The following XKR6 variants were observed in gnomAD, a reference collection of about 807,000 sequenced individuals.
XKR6 encodes XK-related protein 6.
A neutral mutation model predicts 56.7 loss-of-function variants in XKR6; 22 were observed. The ratio of observed to expected loss-of-function variants is 0.39; its 90% CI spans 0.28 to 0.55. The LOEUF (loss-of-function observed/expected upper bound fraction) is 0.55. Ranked by LOEUF, XKR6 falls within the 20% of genes least tolerant of loss-of-function variation. XKR6 has a pLI of 0.66. For synonymous variants in XKR6, 524 were observed against 387.8 expected, an observed-to-expected ratio of 1.35 and a Z score of -4.13; for missense variants, 852 against 889.0, an observed-to-expected ratio of 0.96 and a Z score of 0.53.
chr8:10,999,085 T>G (rs1798181697), intron 1 of XKR6, among the ~76,000 whole-genome samples: 1 of 152,246 alleles, frequency 6.6e-6, no homozygotes, highest in Non-Finnish European at 1.5e-5. Context: ...ACGTTTGTTT[T>G]CTTCTCCCTC....
intron 1 of XKR6, among the ~76,000 whole-genome samples, chr8:11,007,910 G>C (rs1042656814): frequency 2.0e-5 from 3 of 152,106 alleles, no homozygotes; most frequent in Admixed American, 2.0e-4. Flanking sequence ...CTTGGAAGCA[G>C]ATGGCAGGGG....
chr8:10,898,332 G>T lies in XKR6; in HGVS notation c.1546C>A (p.Leu516Met). ...KILASSCCAELLWGIPLPPDV... is the reference protein window; with the variant it reads ...KILASSCCAEMLWGIPLPPDV... ...GGGGGCAAAGGGATGCCCCAGAGCA[G>T]CTCGGCACAACAGGAGCTGGCAAGG... Residue 516 changes from leucine to methionine, a missense_variant, in exon 3 of 3, where the codon CTG becomes ATG. By Grantham distance (15) the Leu-to-Met change is conservative. This residue lies in a region of XKR6 where 197 missense variants were observed against 190.9 expected (regional missense o/e 1.03). Transcript: ENST00000416569. The surrounding 1 kb of genome is among the most constrained non-coding windows in gnomAD (Gnocchi z 6.6). 6.2e-7 allele frequency: 1 copy of T among 1,613,994 alleles called. No individual in the cohort carries two copies. The highest frequency in any genetic ancestry group is 8.5e-7 in the Non-Finnish European group (1 of 1,179,864).
At chr8:11,167,275 C>T (rs754401860) in intron 1 of XKR6, among the ~76,000 whole-genome samples, 6 of 152,210 alleles carry the variant, frequency 3.9e-5, no homozygotes, top group African/African-American at 1.2e-4. Flanking sequence ...GAAAGCTTTA[C>T]GGCATTCTTA....
intron 1 of XKR6, chr8:11,136,777 G>GGAATA (rs1251699814): frequency 6.6e-6 from 1 of 152,096 alleles, no homozygotes; most frequent in Non-Finnish European, 1.5e-5. Flanking sequence ...AGAACCAGAA[G>GGAATA]GAATACATTT....
chr8:11,055,082 C>G (rs1305722700), intron 1 of XKR6, among the ~76,000 whole-genome samples: 1 of 152,168 alleles, frequency 6.6e-6, no homozygotes, highest in Non-Finnish European at 1.5e-5. Flanking sequence ...AAATTATTCC[C>G]GACACTTATT....
At chr8:10,954,587 T>G (rs1801817956) in intron 1 of XKR6, among the ~76,000 whole-genome samples, 1 of 152,204 alleles carries the variant, frequency 6.6e-6, no homozygotes, top group Non-Finnish European at 1.5e-5. Context: ...TTACACATAT[T>G]TTCTCTCATT....
intron 1 of XKR6, among the ~76,000 whole-genome samples, chr8:10,977,332 C>G (rs905053849): frequency 9.9e-5 from 15 of 152,044 alleles, no homozygotes; most frequent in African/African-American, 3.6e-4. Context: ...CAGGGACACC[C>G]TGCCCTCTGG....
intron 1 of XKR6, among the ~76,000 whole-genome samples, chr8:11,026,505 A>C (rs964251752): frequency 1.1e-4 from 16 of 148,492 alleles, no homozygotes; most frequent in Admixed American, 2.0e-4. Flanking sequence ...GGTCTAGCCT[A>C]CTACACACTT....
intron 1 of XKR6, among the ~76,000 whole-genome samples, chr8:11,114,758 T>TGC (rs1235335382): frequency 1.4e-5 from 2 of 142,410 alleles, no homozygotes; most frequent in South Asian, 2.2e-4. Flanking sequence ...TGTGTGTGTG[T>TGC]GTGTGTGTGT....
rs771520774 is a variant in XKR6 at position 11,201,207 on chromosome 8, C to G, written c.133G>C (p.Gly45Arg). 68 of 1,531,732 alleles carry G rather than the reference C, an allele frequency of 4.4e-5. No homozygotes were observed. Among genetic ancestry groups the G allele is most frequent in the Admixed American group, 7.8e-5 (4 of 51,052 alleles). 94.9% of individuals were successfully genotyped at this position (1,531,732 alleles called of 1,614,324 possible). A position where few individuals can be genotyped will look rare whatever the true frequency, so the allele number is the denominator to read the frequency against. ...GGGGCGGGGD[G>R]SEPGESSSMH... The stretch of plus-strand genomic sequence containing the variant: ...GAGCTGCTCTCGCCGGGCTCGCTGC[C>G]GTCGCCGCCGCCGCCGCAGCCGCCT... Residue 45 changes from glycine to arginine, a missense_variant, in exon 1 of 3, where the codon GGC becomes CGC. By Grantham distance (125) the Gly-to-Arg change is moderately radical (BLOSUM62 -2). Around this residue, in one of 4 missense-constraint regions of XKR6, gnomAD observed 417 missense variants for 355.2 expected, o/e 1.17. Transcript: ENST00000416569.
chr8:11,123,400 T>G (rs1343234986), intron 1 of XKR6: 1 of 154,566 alleles, frequency 6.5e-6, no homozygotes, highest in Non-Finnish European at 1.4e-5. Flanking sequence ...AATTCTATGT[T>G]GACAAATACT....
At position 10,935,185 on chromosome 8, in the gene XKR6, G is replaced by A. The variant is rs1171037850; in HGVS notation, c.765-10355C>T. Among the ~76,000 whole-genome samples the A allele has an allele frequency of 1.6e-3, 148 of 90,552 alleles. 3 individuals carry two copies. Among genetic ancestry groups the A allele is most frequent in the African/African-American group, 7.8e-3 (124 of 15,856 alleles). The allele number at this position is 90,552 out of a possible 152,430, so 59.4% of individuals were successfully genotyped here. A position where few individuals can be genotyped will look rare whatever the true frequency, so the allele number is the denominator to read the frequency against. ...CTTCTAGATTTTCTAGTTTATTTGC[G>A]TAGAGGTGTTTGTAGTATTCTCTGA... On this transcript the variant is annotated intron_variant, in intron 1 of 2. Coordinates refer to ENST00000416569, the MANE Select transcript of XKR6 (RefSeq NM_173683.4).
chr8:11,080,987 A>G (rs1279883012), intron 1 of XKR6, among the ~76,000 whole-genome samples: 7 of 152,216 alleles, frequency 4.6e-5, no homozygotes, highest in Admixed American at 4.6e-4. Context: ...GCAAATAATC[A>G]AGAAGAAAAC....
Position 11,179,020 on chromosome 8 carries a change from CTTTTTTTTT to C in XKR6, c.764+21547_764+21555del, listed in dbSNP as rs35214787. On this transcript the variant is annotated intron_variant, in intron 1 of 2. Transcript: ENST00000416569. Reference sequence around the variant, plus strand: ...ACCACACCTGGCTAATTTTCTTTTTCTTTTTTTTTTTTTTTTTTTGGAGAGCTAGGGTCT... The same window carrying C: ...ACCACACCTGGCTAATTTTCTTTTTCTTTTTTTTTTGGAGAGCTAGGGTCT... Among the ~76,000 whole-genome samples, 228 of 104,524 alleles carry C rather than the reference CTTTTTTTTT, an allele frequency of 2.2e-3. 2 individuals are homozygous for C. The highest frequency in any genetic ancestry group is 7.0e-3 in the South Asian group (24 of 3,452). The allele number at this position is 104,524 out of a possible 152,430, so 68.6% of individuals were successfully genotyped here. A position where few individuals can be genotyped will look rare whatever the true frequency, so the allele number is the denominator to read the frequency against.
At chr8:11,002,465 A>C (rs1429851765) in intron 1 of XKR6, 13 of 404,736 alleles carry the variant, frequency 3.2e-5, no homozygotes, top group East Asian at 9.6e-5. Flanking sequence ...CTCCAGGAGA[A>C]GGCAGGAGAA....
At chr8:11,091,274 C>G (rs1798060262) in intron 1 of XKR6, among the ~76,000 whole-genome samples, 1 of 151,872 alleles carries the variant, frequency 6.6e-6, no homozygotes, top group Non-Finnish European at 1.5e-5. Flanking sequence ...CTACAAAAAA[C>G]AAATTATTTA....
intron 1 of XKR6, among the ~76,000 whole-genome samples, chr8:11,056,514 T>C (rs1799688845): frequency 6.6e-6 from 1 of 152,120 alleles, no homozygotes; most frequent in South Asian, 2.1e-4. Context: ...GGTTTGGAGA[T>C]GTTCATCTAC....
chr8:10,983,865 C>T (rs1481159518), intron 1 of XKR6, among the ~76,000 whole-genome samples: 1 of 152,020 alleles, frequency 6.6e-6, no homozygotes, highest in Non-Finnish European at 1.5e-5. Flanking sequence ...CCGTGTTAGC[C>T]AGGATGGTCT....
chr8:11,062,280 G>T (rs1799854870), intron 1 of XKR6, among the ~76,000 whole-genome samples: 1 of 152,064 alleles, frequency 6.6e-6, no homozygotes, highest in Non-Finnish European at 1.5e-5. Flanking sequence ...AGGCCAGAGA[G>T]TGGGGAGGAG....
Sources: allele counts gnomAD v4.1 joint callset (sites outside exome capture counted in the v4.1 genomes callset), GRCh38; gene constraint gnomAD v4.1.1; regional missense constraint gnomAD v4.1.1; non-coding constraint Gnocchi (gnomAD v3.1); transcripts MANE v1.5; gene names NCBI Gene and HGNC (gene_info 2026-07-23, HGNC 2026-07-21).